The following PRKD1 variants were observed in gnomAD, a reference collection of about 807,000 sequenced individuals.
PRKD1 encodes the protein protein kinase D1.
A neutral mutation model predicts 95.9 loss-of-function variants in PRKD1; 63 were observed. That is an observed-to-expected ratio of 0.66 (90% CI 0.54 to 0.81). PRKD1 has a LOEUF of 0.81. Ranked by LOEUF, PRKD1 falls within the 30% of genes least tolerant of loss-of-function variation. The pLI is 0.00. For missense variants in PRKD1, 1,048 were observed against 1,165.3 expected, an observed-to-expected ratio of 0.90 and a Z score of 1.47; for synonymous variants, 425 against 423.1, an observed-to-expected ratio of 1.00 and a Z score of -0.05.
intron 1 of PRKD1, among the ~76,000 whole-genome samples, chr14:29,917,326 T>C (rs750979104): frequency 1.3e-5 from 2 of 152,182 alleles, no homozygotes; most frequent in African/African-American, 2.4e-5. Context: ...AAACTGACAG[T>C]TTAAAAACTT....
chr14:29,618,775 GA>G (rs34828315), intron 13 of PRKD1, among the ~76,000 whole-genome samples: 69,204 of 129,354 alleles, frequency 0.53, 18,751 homozygotes, highest in East Asian at 0.71. Flanking sequence ...TAGAGAAAAT[GA>G]AATGGAAAAA....
At chr14:29,804,129 C>A (rs1890138847) in intron 1 of PRKD1, among the ~76,000 whole-genome samples, 1 of 151,692 alleles carries the variant, frequency 6.6e-6, no homozygotes, top group Non-Finnish European at 1.5e-5. Flanking sequence ...GTAATCCCAG[C>A]TACTGGGGAG....
intron 2 of PRKD1, among the ~76,000 whole-genome samples, chr14:29,715,845 TA>T (rs1049232492): frequency 9.9e-5 from 15 of 152,136 alleles, no homozygotes; most frequent in Non-Finnish European, 1.9e-4. Context: ...TTTTTGAAAA[TA>T]AACCCCAAAT....
chr14:29,723,530 A>G (rs1885999319), intron 2 of PRKD1, among the ~76,000 whole-genome samples: 1 of 152,174 alleles, frequency 6.6e-6, no homozygotes, highest in African/African-American at 2.4e-5. Flanking sequence ...AAGGGGTGGG[A>G]TGGTTTAAAA....
chr14:29,643,864 T>TTAATATTTTAA (rs1330956008), intron 4 of PRKD1, among the ~76,000 whole-genome samples: 36 of 152,340 alleles, frequency 2.4e-4, no homozygotes, highest in African/African-American at 7.9e-4. Context: ...TTAAAATATT[T>TTAATATTTTAA]CTGTGCGTTA....
intron 1 of PRKD1, among the ~76,000 whole-genome samples, chr14:29,769,806 T>A (rs1888422112): frequency 6.6e-6 from 1 of 152,120 alleles, no homozygotes; most frequent in Non-Finnish European, 1.5e-5. Flanking sequence ...AGACAACACA[T>A]TATTAAACAC....
At chr14:29,709,574 T>C (rs1334467165) in intron 2 of PRKD1, among the ~76,000 whole-genome samples, 1 of 152,060 alleles carries the variant, frequency 6.6e-6, no homozygotes, top group Non-Finnish European at 1.5e-5. Context: ...TTACAAGAAA[T>C]TGGCTCAAAT....
At chr14:29,710,772 A>T (rs1051814350) in intron 2 of PRKD1, among the ~76,000 whole-genome samples, 2 of 152,196 alleles carry the variant, frequency 1.3e-5, no homozygotes, top group African/African-American at 4.8e-5. Flanking sequence ...TGGGTGAGAC[A>T]AACTGTGTAT....
chr14:29,632,331 T>C (rs903967862), intron 9 of PRKD1, among the ~76,000 whole-genome samples: 2 of 152,066 alleles, frequency 1.3e-5, no homozygotes, highest in Admixed American at 6.6e-5. Flanking sequence ...TTATTTTCTC[T>C]ATGAAGTTTT....
intron 1 of PRKD1, among the ~76,000 whole-genome samples, chr14:29,926,817 T>C (rs1895313191): frequency 6.6e-6 from 1 of 152,006 alleles, no homozygotes; most frequent in Admixed American, 6.6e-5. Flanking sequence ...AAATTCCTTG[T>C]CTCCAGGTCA....
intron 13 of PRKD1, among the ~76,000 whole-genome samples, chr14:29,606,868 G>A (rs749552902): frequency 3.3e-5 from 5 of 152,102 alleles, no homozygotes; most frequent in Admixed American, 6.6e-5. Context: ...AGGAAAGCCT[G>A]GAAACCTGGA....
chr14:29,783,397 G>A (rs766122303), intron 1 of PRKD1, among the ~76,000 whole-genome samples: 3 of 152,042 alleles, frequency 2.0e-5, no homozygotes, highest in South Asian at 2.1e-4. Flanking sequence ...CCGTTCATCC[G>A]TTGATGAATT....
chr14:29,828,175 G>T (rs1489351012), intron 1 of PRKD1, among the ~76,000 whole-genome samples: 1 of 152,138 alleles, frequency 6.6e-6, no homozygotes, highest in Non-Finnish European at 1.5e-5. Context: ...AATTTATAAA[G>T]AAAATAGGTT....
chr14:29,897,123 A>C (rs11844070), intron 1 of PRKD1, among the ~76,000 whole-genome samples: 1 of 151,886 alleles, frequency 6.6e-6, no homozygotes, highest in Admixed American at 6.6e-5. Flanking sequence ...TTTTTAATTG[A>C]CTCATTTTAT....
At chr14:29,883,263 C>T (rs754973183) in intron 1 of PRKD1, among the ~76,000 whole-genome samples, 3 of 152,200 alleles carry the variant, frequency 2.0e-5, no homozygotes, top group Admixed American at 6.5e-5. Flanking sequence ...GGCCCCACCT[C>T]CGCATTAAGG....
At chr14:29,728,440 A>C (rs1391084996) in intron 1 of PRKD1, among the ~76,000 whole-genome samples, 3 of 152,174 alleles carry the variant, frequency 2.0e-5, no homozygotes, top group Non-Finnish European at 4.4e-5. Context: ...GTAACCAACA[A>C]TGTTAACCTC....
At chr14:29,751,365 GA>G (rs1887472239) in intron 1 of PRKD1, among the ~76,000 whole-genome samples, 1 of 152,138 alleles carries the variant, frequency 6.6e-6, no homozygotes, top group East Asian at 1.9e-4. Context: ...GGCTTCTGGG[GA>G]ATCTTTTTCC....
intron 9 of PRKD1, among the ~76,000 whole-genome samples, chr14:29,631,648 TGCCACTACACCTG>T (rs1258325250): frequency 5.3e-5 from 8 of 151,836 alleles, no homozygotes; most frequent in Non-Finnish European, 1.2e-4. Context: ...TACAGGCACC[TGCCACTACACCTG>T]GCTAATTTTT....
intron 16 of PRKD1, among the ~76,000 whole-genome samples, 183 bp from the exon 17 acceptor site, chr14:29,578,543 TAAAAAAAAAAA>T (rs992449669): frequency 0.14 from 5,836 of 42,724 alleles, 149 homozygotes; most frequent in Admixed American, 0.2. Context: ...TTTTGGATAC[TAAAAAAAAAAA>T]AAAAAAAAAA....
Sources: allele counts gnomAD v4.1 joint callset (sites outside exome capture counted in the v4.1 genomes callset), GRCh38; gene constraint gnomAD v4.1.1; transcripts MANE v1.5; gene names NCBI Gene and HGNC (gene_info 2026-07-23, HGNC 2026-07-21).